RNFT1: variants seen among roughly 807,000 people sequenced by gnomAD.
RNFT1 encodes the protein E3 ubiquitin-protein ligase RNFT1.
A neutral mutation model predicts 53.2 loss-of-function variants in RNFT1; 35 were observed. That is an observed-to-expected ratio of 0.66 (90% CI 0.50 to 0.87). RNFT1 has a LOEUF of 0.87. Ranked by LOEUF, RNFT1 falls within the 40% of genes least tolerant of loss-of-function variation. The pLI, the probability that RNFT1 is intolerant of heterozygous loss-of-function variation, is 0.00. For synonymous variants in RNFT1, 141 were observed against 172.8 expected (o/e 0.82, Z 1.44); for missense variants, 421 against 515.0 (o/e 0.82, Z 1.77).
intron 1 of RNFT1, among the ~76,000 whole-genome samples, chr17:59,964,189 T>C: frequency 6.6e-6 from 1 of 152,204 alleles, no homozygotes. Context: ...CTTTTCCCGT[T>C]TGTCTAGGAG....
At chr17:59,958,822 TA>T (rs2045269863) in intron 4 of RNFT1, 4 of 314,360 alleles carry the variant, frequency 1.3e-5, no homozygotes, top group South Asian at 9.9e-5. Context: ...ACTCCCTCTG[TA>T]TGGCTAAATT....
chr17:59,964,084 C>T (rs1370675218), intron 1 of RNFT1, among the ~76,000 whole-genome samples: 10 of 152,098 alleles, frequency 6.6e-5, no homozygotes, highest in Admixed American at 4.6e-4. Flanking sequence ...AGAAAGATCT[C>T]TCTAATAAAT....
At chr17:59,956,004 A>G (rs537361728) in intron 7 of RNFT1, among the ~76,000 whole-genome samples, 1 of 152,332 alleles carries the variant, frequency 6.6e-6, no homozygotes, top group African/African-American at 2.4e-5. Flanking sequence ...ATTTATGCAC[A>G]TATAATTGAG....
rs371211205 is a variant in RNFT1, at chr17:59,954,011, G to C, written c.1173+34C>G. On this transcript the variant is annotated intron_variant, in intron 8 of 8. Transcript: ENST00000305783. ...CTTTTGCAAGTCACAGAGAACTGTT[G>C]TATTTAGGTTTTTAAATTTAAAAAT... is the stretch of plus-strand genomic sequence containing the variant. 66 of 1,289,944 alleles carry C rather than the reference G, an allele frequency of 5.1e-5. 1 individual carries two copies. The highest frequency in any genetic ancestry group is 1.1e-5 in the Non-Finnish European group (10 of 918,406). The allele number at this position is 1,289,944 out of a possible 1,614,324, so 79.9% of individuals were successfully genotyped here.
At chr17:59,963,337 A>T in intron 1 of RNFT1, 53 bp from the exon 2 acceptor site, 1 of 1,450,036 alleles carries the variant, frequency 6.9e-7, no homozygotes, top group Non-Finnish European at 9.4e-7. Flanking sequence ...AAATACCAGC[A>T]GTATATTCCT....
At position 59,964,573 on chromosome 17, in the gene RNFT1, C is replaced by T. The variant is rs569378779; in HGVS notation, c.56+35G>A. 4.0e-5 allele frequency: 63 copies of T among 1,564,768 alleles called. No individual in the cohort carries two copies. In the South Asian group the frequency reaches 7.2e-4, roughly 18 times the overall value. ...AGCCCCCTGCGCCGCGGCCCCTCGC[C>T]GCCTCCTCCTCTGCCCGCTTCCCCC... On this transcript the variant is annotated intron_variant, in intron 1 of 8. Coordinates refer to ENST00000305783, the MANE Select transcript of RNFT1 (RefSeq NM_016125.4).
intron 7 of RNFT1, among the ~76,000 whole-genome samples, chr17:59,955,635 G>A (rs1477975693): frequency 6.6e-6 from 1 of 152,186 alleles, no homozygotes; most frequent in Non-Finnish European, 1.5e-5. Context: ...GCTTGCATAG[G>A]ATGTAGCAAA....
intron 8 of RNFT1, 54 bp from the exon 9 acceptor site, chr17:59,953,165 C>A: frequency 5.3e-6 from 7 of 1,332,262 alleles, no homozygotes; most frequent in Non-Finnish European, 7.4e-6. Context: ...TTAAATCCAT[C>A]ACATTGTAGG....
intron 7 of RNFT1, among the ~76,000 whole-genome samples, chr17:59,955,177 G>A (rs1215625700): frequency 6.6e-6 from 1 of 152,084 alleles, no homozygotes; most frequent in Non-Finnish European, 1.5e-5. Context: ...CAAAATCAAA[G>A]TAAAACTCAA....
intron 4 of RNFT1, 149 bp from the exon 5 acceptor site, chr17:59,958,593 G>A (rs1051562147): frequency 7.3e-5 from 53 of 729,828 alleles, no homozygotes; most frequent in South Asian, 6.3e-5. Context: ...ATGGAATGGA[G>A]GATCATTTTG....
chr17:59,959,084 A>C (rs2045271235), intron 4 of RNFT1, among the ~76,000 whole-genome samples: 1 of 152,132 alleles, frequency 6.6e-6, no homozygotes, highest in South Asian at 2.1e-4. Context: ...TTATTGCCTT[A>C]ACCTCTACCC....
chr17:59,959,217 TG>T (rs1409873666), intron 4 of RNFT1, among the ~76,000 whole-genome samples: 1 of 152,140 alleles, frequency 6.6e-6, no homozygotes, highest in African/African-American at 2.4e-5. Flanking sequence ...CTCAACCCAA[TG>T]AAATGACACC....
In RNFT1 at chr17:59,952,268, G is replaced by A. The variant is rs555329156; in HGVS notation, c.*709C>T. Reference sequence around the variant, plus strand: ...ATAATCCACATGAATTATTTTAATAGTTACTTCGAGATACTCCATGGTACT... The same window carrying A: ...ATAATCCACATGAATTATTTTAATAATTACTTCGAGATACTCCATGGTACT... On this transcript the variant is annotated 3_prime_UTR_variant, in exon 9 of 9. Transcript: ENST00000305783. The A allele has an allele frequency of 2.6e-5, 4 of 152,230 alleles. No homozygotes were observed. Among genetic ancestry groups the A allele is most frequent in the African/African-American group, 9.6e-5 (4 of 41,546 alleles). The allele number at this position is 152,230 out of a possible 1,614,324, so 9.4% of individuals were successfully genotyped here. A position where few individuals can be genotyped will look rare whatever the true frequency, so the allele number is the denominator to read the frequency against.
chr17:59,960,871 CACTT>C (rs1256808816), intron 3 of RNFT1, among the ~76,000 whole-genome samples: 1 of 151,954 alleles, frequency 6.6e-6, no homozygotes, highest in Non-Finnish European at 1.5e-5. Context: ...AACCTTGACT[CACTT>C]GTCAAGGTTT....
rs1294786917 is a variant in RNFT1 at position 59,952,789 on chromosome 17, C to T, written c.*188G>A. On this transcript the variant is annotated 3_prime_UTR_variant, in exon 9 of 9. Coordinates refer to ENST00000305783, the MANE Select transcript of RNFT1 (RefSeq NM_016125.4). ...AATGTTGCATATACATTAGGTTGAA[C>T]ATTATATATATTTTAAAACACAGGG... The T allele has an allele frequency of 1.2e-5, 6 of 492,208 alleles. No individual in the cohort carries two copies. Among genetic ancestry groups the T allele is most frequent in the Non-Finnish European group, 2.1e-5 (6 of 280,442 alleles). 30.5% of individuals were successfully genotyped at this position (492,208 alleles called of 1,614,324 possible).
intron 3 of RNFT1, 110 bp downstream of exon 3, chr17:59,962,430 C>G (rs1469853546): frequency 1.9e-5 from 13 of 683,752 alleles, no homozygotes; most frequent in Non-Finnish European, 3.0e-5. Context: ...TACAATATAT[C>G]CTATTACTTC....
At chr17:59,955,624 A>G (rs1010733901) in intron 7 of RNFT1, among the ~76,000 whole-genome samples, 1 of 152,228 alleles carries the variant, frequency 6.6e-6, no homozygotes, top group African/African-American at 2.4e-5. Context: ...TAGAGAAACA[A>G]GCTTGCATAG....
At chr17:59,953,330 C>T (rs548073604) in intron 8 of RNFT1, among the ~76,000 whole-genome samples, 15 of 151,894 alleles carry the variant, frequency 9.9e-5, no homozygotes, top group African/African-American at 2.9e-4. Context: ...CCCAAGTTGC[C>T]GGGATTACAG....
intron 7 of RNFT1, among the ~76,000 whole-genome samples, chr17:59,955,073 C>T (rs2045245430): frequency 1.3e-5 from 2 of 152,142 alleles, no homozygotes; most frequent in Admixed American, 1.3e-4. Context: ...TGTAAGAACA[C>T]CCAAGTCAGT....
Sources: gnomAD v4.1 joint callset for allele counts (sites outside exome capture counted in the v4.1 genomes callset) on GRCh38, gnomAD v4.1.1 for gene constraint, MANE v1.5 for transcripts, NCBI Gene and HGNC (gene_info 2026-07-23, HGNC 2026-07-21) for gene names.